Variants in LRRC4C observed in about 807,000 individuals in gnomAD.
LRRC4C encodes leucine rich repeat containing 4C.
Under a neutral mutation model 33.6 loss-of-function variants are expected in LRRC4C, and 5 were observed. The ratio of observed to expected loss-of-function variants is 0.15; its 90% CI spans 0.08 to 0.31. LRRC4C has a LOEUF of 0.31. Ranked by LOEUF, LRRC4C falls within the 10% of genes least tolerant of loss-of-function variation. The pLI is 1.00. For synonymous variants in LRRC4C, 329 were observed against 302.0 expected, an observed-to-expected ratio of 1.09 and a Z score of -0.93; for missense variants, 560 against 796.7, an observed-to-expected ratio of 0.70 and a Z score of 3.58.
rs561048549 is a variant in LRRC4C, at chr11:40,935,840, T to G, written c.-495-2117A>C. 5.9e-5 allele frequency among the ~76,000 whole-genome samples: 9 copies of G among 151,424 alleles called. No individual in the cohort carries two copies. The East Asian group carries it at 1.6e-3, about 26-fold the overall frequency. ...TCTTGATTTAAGAAAATCTAGGTTC[T>G]ACTTCCTGTTTCACTGTGTTTAGTG... On this transcript the variant is annotated intron_variant, in intron 1 of 6. Coordinates refer to ENST00000528697, the MANE Select transcript of LRRC4C (RefSeq NM_001258419.2).
intron 3 of LRRC4C, among the ~76,000 whole-genome samples, chr11:40,469,387 A>C (rs1435245641): frequency 6.6e-6 from 1 of 152,210 alleles, no homozygotes; most frequent in Non-Finnish European, 1.5e-5. Context: ...CGCAACCCAC[A>C]GACCAGGAGA....
At chr11:40,657,188 C>T (rs1229341965) in intron 2 of LRRC4C, among the ~76,000 whole-genome samples, 1 of 152,162 alleles carries the variant, frequency 6.6e-6, no homozygotes. Flanking sequence ...GACTACACAG[C>T]TATTCACTTG....
chr11:41,320,985 T>C (rs767689246), intron 1 of LRRC4C, among the ~76,000 whole-genome samples: 4 of 152,208 alleles, frequency 2.6e-5, no homozygotes, highest in Non-Finnish European at 5.9e-5. Context: ...TTGGGTCTTT[T>C]TACAATATTG....
At chr11:40,907,797 C>A (rs1956488818) in intron 2 of LRRC4C, among the ~76,000 whole-genome samples, 1 of 152,184 alleles carries the variant, frequency 6.6e-6, no homozygotes, top group South Asian at 2.1e-4. Context: ...CTCAATGTGG[C>A]TTCTCTAAGT....
intron 3 of LRRC4C, among the ~76,000 whole-genome samples, chr11:40,559,914 A>C (rs1320971791): frequency 1.3e-5 from 2 of 152,176 alleles, no homozygotes; most frequent in South Asian, 2.1e-4. Flanking sequence ...AAACACATGA[A>C]AATCATTAAA....
At chr11:40,260,964 T>C (rs1867664984) in intron 4 of LRRC4C, among the ~76,000 whole-genome samples, 1 of 152,104 alleles carries the variant, frequency 6.6e-6, no homozygotes, top group Non-Finnish European at 1.5e-5. Flanking sequence ...CACTGTAACT[T>C]TGAACTTCTG....
At chr11:41,294,784 A>T (rs146227172) in intron 1 of LRRC4C, among the ~76,000 whole-genome samples, 75 of 152,332 alleles carry the variant, frequency 4.9e-4, no homozygotes, top group African/African-American at 1.8e-3. Flanking sequence ...AAAGGGAATT[A>T]ACAAGGATAA....
chr11:40,975,616 A>G (rs1852028168), intron 1 of LRRC4C, among the ~76,000 whole-genome samples: 1 of 152,198 alleles, frequency 6.6e-6, no homozygotes, highest in South Asian at 2.1e-4. Flanking sequence ...GCCTCTACCA[A>G]CTAGAATAAT....
intron 1 of LRRC4C, among the ~76,000 whole-genome samples, chr11:41,181,578 C>T (rs976059282): frequency 6.6e-6 from 1 of 152,176 alleles, no homozygotes; most frequent in African/African-American, 2.4e-5. Context: ...TCTACCTTAA[C>T]AATTAAAGGG....
chr11:40,382,963 G>A (rs898786485), intron 3 of LRRC4C, among the ~76,000 whole-genome samples: 4 of 152,004 alleles, frequency 2.6e-5, no homozygotes, highest in Non-Finnish European at 5.9e-5. Flanking sequence ...AAAGTACTGG[G>A]ATTACAGGCG....
chr11:40,495,625 A>C, intron 3 of LRRC4C, among the ~76,000 whole-genome samples: 1 of 152,020 alleles, frequency 6.6e-6, no homozygotes, highest in African/African-American at 2.4e-5. Flanking sequence ...GTAAGACCCT[A>C]TCTAGTTGGT....
At chr11:41,399,373 G>T (rs956642469) in intron 1 of LRRC4C, among the ~76,000 whole-genome samples, 3 of 151,952 alleles carry the variant, frequency 2.0e-5, no homozygotes, top group Middle Eastern at 6.3e-3. Context: ...AAGAAGGTTT[G>T]CAAGGCCAAG....
intron 3 of LRRC4C, among the ~76,000 whole-genome samples, chr11:40,440,148 G>A (rs534799478): frequency 6.6e-6 from 1 of 152,104 alleles, no homozygotes; most frequent in African/African-American, 2.4e-5. Context: ...TGAGGGCAGG[G>A]AGCTTGTCTG....
intron 1 of LRRC4C, among the ~76,000 whole-genome samples, chr11:40,968,758 T>C (rs1022103603): frequency 3.9e-5 from 6 of 152,086 alleles, no homozygotes; most frequent in African/African-American, 1.4e-4. Flanking sequence ...ACCTACTGTT[T>C]AGAAAAAAAA....
chr11:40,614,529 G>A (rs1961563450), intron 3 of LRRC4C, among the ~76,000 whole-genome samples: 1 of 151,422 alleles, frequency 6.6e-6, no homozygotes, highest in African/African-American at 2.4e-5. Flanking sequence ...TATCATTTGT[G>A]TGTTCATTGA....
At chr11:40,678,078 G>C (rs959652633) in intron 2 of LRRC4C, among the ~76,000 whole-genome samples, 2 of 151,744 alleles carry the variant, frequency 1.3e-5, no homozygotes, top group Non-Finnish European at 2.9e-5. Context: ...CACTATCTTG[G>C]GGGTAGGGTG....
chr11:40,935,541 T>C (rs908797740), intron 1 of LRRC4C, among the ~76,000 whole-genome samples: 4 of 152,144 alleles, frequency 2.6e-5, no homozygotes, highest in Admixed American at 2.6e-4. Flanking sequence ...CATTGTGTTA[T>C]AACTTCCTAT....
At chr11:41,025,926 C>T (rs1236938129) in intron 1 of LRRC4C, among the ~76,000 whole-genome samples, 1 of 151,626 alleles carries the variant, frequency 6.6e-6, no homozygotes, top group African/African-American at 2.4e-5. Flanking sequence ...TTGTTGATAT[C>T]TTCTGCTCAG....
At chr11:40,134,780 T>C (rs991442507) in intron 6 of LRRC4C, among the ~76,000 whole-genome samples, 2 of 152,236 alleles carry the variant, frequency 1.3e-5, no homozygotes, top group African/African-American at 4.8e-5. Flanking sequence ...GACCTGTCAT[T>C]GCTTCCTCTG....
Sources: allele counts gnomAD v4.1 joint callset (sites outside exome capture counted in the v4.1 genomes callset), GRCh38; gene constraint gnomAD v4.1.1; transcripts MANE v1.5; gene names NCBI Gene and HGNC (gene_info 2026-07-23, HGNC 2026-07-21).